Variants in COPRS observed in about 807,000 individuals in gnomAD.
The protein encoded by COPRS is coordinator of PRMT5 and differentiation stimulator.
COPRS carries 11 observed loss-of-function variants against 19.9 expected under a neutral mutation model. The ratio of observed to expected loss-of-function variants is 0.55; its 90% confidence interval spans 0.35 to 0.92. COPRS has a LOEUF of 0.92. Ranked by LOEUF, COPRS falls within the 40% of genes least tolerant of loss-of-function variation. The pLI is 0.01. For synonymous variants in COPRS, 81 were observed against 82.7 expected, an observed-to-expected ratio of 0.98 and a Z score of 0.11; for missense variants, 225 against 229.9, an observed-to-expected ratio of 0.98 and a Z score of 0.14.
Position 31,853,041 on chromosome 17 carries a change from A to G in COPRS, c.167-11T>C, listed in dbSNP as rs1002778135. On this transcript the variant is annotated splice_polypyrimidine_tract_variant and intron_variant, in intron 2 of 3. Transcript: ENST00000302362. Reference sequence around the variant, plus strand: ...TCTGTGTTCCACGGGCTAAATTGACAAAGAGAAGATGGCCTTAGTGACAAA... The same window carrying G: ...TCTGTGTTCCACGGGCTAAATTGACGAAGAGAAGATGGCCTTAGTGACAAA... 2 of 1,604,956 alleles carry G rather than the reference A, an allele frequency of 1.2e-6. No homozygotes were observed. Among genetic ancestry groups the G allele is most frequent in the Admixed American group, 1.7e-5 (1 of 60,012 alleles).
intron 1 of COPRS, chr17:31,858,430 G>A (rs1311734968): frequency 1.0e-6 from 1 of 984,870 alleles, no homozygotes; most frequent in Non-Finnish European, 1.2e-6. Flanking sequence ...TATCTCCTGT[G>A]CCAGGCACTA....
At chr17:31,854,946 A>T (rs779070148) in intron 2 of COPRS, among the ~76,000 whole-genome samples, 36 of 152,252 alleles carry the variant, frequency 2.4e-4, no homozygotes, top group Non-Finnish European at 3.8e-4. Flanking sequence ...CTACTGAATT[A>T]TATGCGTTAA....
intron 1 of COPRS, chr17:31,858,343 T>G: frequency 1.0e-6 from 1 of 984,796 alleles, no homozygotes; most frequent in East Asian, 1.1e-4. Context: ...ATTTTCTTTG[T>G]AAGTGTCGCT....
Position 31,851,918 on chromosome 17 carries a change from C to A in COPRS, c.*221G>T, listed in dbSNP as rs1053712733. ...ACAAAGAACACAACTCCTCTTGACA[C>A]AAACACACACACATTTCAAGGAGGA... On this transcript the variant is annotated 3_prime_UTR_variant, in exon 4 of 4. Transcript: ENST00000302362. The A allele has an allele frequency of 5.7e-6, 3 of 526,712 alleles. No individual in the cohort carries two copies. Among genetic ancestry groups the A allele is most frequent in the African/African-American group, 3.9e-5 (2 of 51,572 alleles). 32.6% of individuals were successfully genotyped at this position (526,712 alleles called of 1,614,324 possible). A position where few individuals can be genotyped will look rare whatever the true frequency, so the allele number is the denominator to read the frequency against.
rs1909460049 is a variant in COPRS at position 31,859,170 on chromosome 17, C to T, written c.30G>A (p.Ala10=). MDLQAAGAQ[A]QGAAEPSRGP... The stretch of plus-strand genomic sequence containing the variant: ...CCCGAGACGGCTCCGCGGCCCCCTG[C>T]GCCTGGGCCCCGGCGGCCTGAAGGT... Residue 10 remains alanine (A), a synonymous_variant, in exon 1 of 4, where the codon GCG becomes GCA. Transcript: ENST00000302362. The T allele has an allele frequency of 1.9e-6, 2 of 1,064,930 alleles. No homozygotes were observed. Among genetic ancestry groups the T allele is most frequent in the African/African-American group, 3.4e-5 (2 of 58,996 alleles). The allele number at this position is 1,064,930 out of a possible 1,614,324, so 66.0% of individuals were successfully genotyped here.
intron 2 of COPRS, among the ~76,000 whole-genome samples, chr17:31,855,642 C>A (rs573954127): frequency 6.7e-6 from 1 of 149,412 alleles, no homozygotes; most frequent in Non-Finnish European, 1.5e-5. Context: ...GCCAAGATTG[C>A]GACACTGCAC....
chr17:31,858,947 G>A lies in COPRS; in HGVS notation c.99+154C>T, dbSNP rs927772534. On this transcript the variant is annotated intron_variant, in intron 1 of 3. Transcript: ENST00000302362. ...CCCGCGGCCTGGCCGTTTTCAGCTC[G>A]AGCGCGAGCCCAAACAGCGCTCCGT... 6 of 1,427,954 alleles carry A rather than the reference G, an allele frequency of 4.2e-6. No homozygotes were observed. The African/African-American group carries it at 7.5e-5, about 18-fold the overall frequency. 88.5% of individuals were successfully genotyped at this position (1,427,954 alleles called of 1,614,324 possible).
At chr17:31,854,097 G>A (rs1909248913) in intron 2 of COPRS, among the ~76,000 whole-genome samples, 4 of 152,086 alleles carry the variant, frequency 2.6e-5, no homozygotes, top group South Asian at 2.1e-4. Context: ...GGCCGGGCAC[G>A]GTAGCTCACC....
Position 31,852,024 on chromosome 17 carries a change from C to T in COPRS, c.*115G>A. On this transcript the variant is annotated 3_prime_UTR_variant, in exon 4 of 4. Coordinates refer to ENST00000302362, the MANE Select transcript of COPRS (RefSeq NM_018405.4). ...TCAATAAGGAACACTGGTCTGTGTACCCCAGACTAGGGGTCACTGCAAACA... is the reference window on the plus strand; with the variant it reads ...TCAATAAGGAACACTGGTCTGTGTATCCCAGACTAGGGGTCACTGCAAACA... The T allele has an allele frequency of 3.3e-6, 4 of 1,198,292 alleles. No individual in the cohort carries two copies. The highest frequency in any genetic ancestry group is 1.4e-5 in the South Asian group (1 of 72,790). The allele number at this position is 1,198,292 out of a possible 1,614,324, so 74.2% of individuals were successfully genotyped here. A position where few individuals can be genotyped will look rare whatever the true frequency, so the allele number is the denominator to read the frequency against.
At chr17:31,853,726 A>G (rs1007346670) in intron 2 of COPRS, among the ~76,000 whole-genome samples, 1 of 152,122 alleles carries the variant, frequency 6.6e-6, no homozygotes, top group Non-Finnish European at 1.5e-5. Flanking sequence ...AGCATGTTAG[A>G]GGTGAGCACA....
intron 2 of COPRS, 132 bp downstream of exon 2, chr17:31,856,667 T>C (rs1300938922): frequency 1.4e-6 from 1 of 729,686 alleles, no homozygotes. Flanking sequence ...AGGAGGTTAC[T>C]GTTCAACTGG....
chr17:31,854,336 CAGAGTG>C (rs1430431125), intron 2 of COPRS, among the ~76,000 whole-genome samples: 1 of 110,754 alleles, frequency 9.0e-6, no homozygotes, highest in Non-Finnish European at 1.7e-5. Context: ...TGCCATTGCA[CAGAGTG>C]AGACCCTGTC....
In COPRS at chr17:31,852,122, G is replaced by A. The variant is rs534335505; in HGVS notation, c.*17C>T. 2.5e-6 allele frequency: 4 copies of A among 1,613,480 alleles called. No individual in the cohort carries two copies. Among genetic ancestry groups the A allele is most frequent in the African/African-American group, 2.7e-5 (2 of 74,996 alleles). Reference sequence around the variant, plus strand: ...GACGTGGAGGCCCGCCCACCTACAAGGCAGAAAGCTCCACACTCAATCTTC... The same window carrying A: ...GACGTGGAGGCCCGCCCACCTACAAAGCAGAAAGCTCCACACTCAATCTTC... On this transcript the variant is annotated 3_prime_UTR_variant, in exon 4 of 4. Transcript: ENST00000302362.
At chr17:31,855,077 G>A (rs1233782240) in intron 2 of COPRS, among the ~76,000 whole-genome samples, 4 of 152,018 alleles carry the variant, frequency 2.6e-5, no homozygotes, top group Non-Finnish European at 5.9e-5. Context: ...TGTTGTGAGA[G>A]TTAAAAGAAA....
At chr17:31,858,698 C>T in intron 1 of COPRS, 1 of 1,497,858 alleles carries the variant, frequency 6.7e-7, no homozygotes, top group Non-Finnish European at 9.1e-7. Context: ...CTGGCATCCC[C>T]ACCAACGGAC....
rs1653498120 is a variant in COPRS, at chr17:31,851,979, C to CG, written c.*159dup. Reference sequence around the variant, plus strand: ...AACAACAACAGACTGGCGAGAATGACGGGGCCTTATTGAACACTGTCAATA... The same window carrying CG: ...AACAACAACAGACTGGCGAGAATGACGGGGGCCTTATTGAACACTGTCAATA... On this transcript the variant is annotated 3_prime_UTR_variant, in exon 4 of 4. Coordinates refer to ENST00000302362, the MANE Select transcript of COPRS (RefSeq NM_018405.4). The CG allele has an allele frequency of 2.9e-6, 2 of 685,004 alleles. No homozygotes were observed. Among genetic ancestry groups the CG allele is most frequent in the African/African-American group, 1.8e-5 (1 of 54,810 alleles). 42.4% of individuals were successfully genotyped at this position (685,004 alleles called of 1,614,324 possible).
chr17:31,858,788 C>A (rs773683210), intron 1 of COPRS: 2 of 1,550,500 alleles, frequency 1.3e-6, no homozygotes, highest in South Asian at 2.4e-5. Context: ...TGGCAGCGGG[C>A]CCCGGCTCTC....
Position 31,852,502 on chromosome 17 carries a change from C to T in COPRS, c.386-194G>A, listed in dbSNP as rs77178476. On this transcript the variant is annotated intron_variant, in intron 3 of 3. Transcript: ENST00000302362. The stretch of plus-strand genomic sequence containing the variant: ...CAGCTGAGAAGCTATGCTTCTCAGA[C>T]AAGGGTTCTTAGCAGTGAAGAAGCA... 4.6e-3 allele frequency among the ~76,000 whole-genome samples: 705 copies of T among 152,206 alleles called. 2 individuals carry two copies. The highest frequency in any genetic ancestry group is 0.016 in the African/African-American group (677 of 41,514).
rs1178101824 is a variant in COPRS, at chr17:31,852,443, T to C, written c.386-135A>G. On this transcript the variant is annotated intron_variant, in intron 3 of 3. Transcript: ENST00000302362. Reference sequence around the variant, plus strand: ...TGTTTAAAAACACACACAGTTCTCCTTTCCTGAAGAATTGTAAATGCGTTC... The same window carrying C: ...TGTTTAAAAACACACACAGTTCTCCCTTCCTGAAGAATTGTAAATGCGTTC... 1.1e-5 allele frequency: 7 copies of C among 663,514 alleles called. No homozygotes were observed. In the East Asian group the frequency reaches 1.3e-4, roughly 13 times the overall value. The allele number at this position is 663,514 out of a possible 1,614,324, so 41.1% of individuals were successfully genotyped here. A position where few individuals can be genotyped will look rare whatever the true frequency, so the allele number is the denominator to read the frequency against.
Sources: allele counts gnomAD v4.1 joint callset (sites outside exome capture counted in the v4.1 genomes callset), GRCh38; gene constraint gnomAD v4.1.1; transcripts MANE v1.5; gene names NCBI Gene and HGNC (gene_info 2026-07-23, HGNC 2026-07-21).